ADGRF3: variants seen among roughly 807,000 people sequenced by gnomAD.
ADGRF3 encodes the protein G protein-coupled receptor 113.
In ADGRF3, 85 loss-of-function variants were observed where a neutral mutation model predicts 93.2. The observed-to-expected ratio is 0.91, with a 90% confidence interval of 0.77 to 1.09. ADGRF3 has a LOEUF of 1.09. Among genes scored for constraint, ADGRF3 ranks in the 50% least tolerant of loss-of-function variants. The pLI, the probability that ADGRF3 is intolerant of heterozygous loss-of-function variation, is 0.00. For missense variants in ADGRF3, 1,125 were observed against 1,246.2 expected (o/e 0.90, Z 1.46); for synonymous variants, 534 against 532.5 (o/e 1.00, Z -0.04).
In ADGRF3 at chr2:26,310,236, C is replaced by T. The variant is rs763030011; in HGVS notation, c.2834G>A (p.Gly945Asp). Residue 945 changes from glycine to aspartate, a missense_variant and splice_region_variant, in exon 11 of 14, where the codon GGC becomes GAC. Physicochemically the swap from Gly to Asp is moderately conservative, Grantham distance 94. Transcript: ENST00000651242. The stretch of plus-strand genomic sequence containing the variant: ...GCAACCAAACAATAGGATGAAGACG[C>T]CCTGAGAAGAGGGACATGGGGATAA... ...YIFTILNTLQ[G>D]VFILLFGCLM... 6.2e-7 allele frequency: 1 copy of T among 1,613,998 alleles called. No individual in the cohort carries two copies. Among genetic ancestry groups the T allele is most frequent in the East Asian group, 2.2e-5 (1 of 44,878 alleles).
intron 1 of ADGRF3, among the ~76,000 whole-genome samples, chr2:26,328,975 T>C (rs1395318500): frequency 1.3e-5 from 2 of 152,218 alleles, no homozygotes; most frequent in South Asian, 2.1e-4. Flanking sequence ...TAAATGTATA[T>C]GTCAAAAGGG....
chr2:26,321,083 T>C (rs1241862120), intron 1 of ADGRF3, among the ~76,000 whole-genome samples: 1 of 152,026 alleles, frequency 6.6e-6, no homozygotes, highest in Non-Finnish European at 1.5e-5. Context: ...CAAAAAAAGT[T>C]GATTTAAACA....
chr2:26,341,901 G>A (rs574740265), intron 1 of ADGRF3, among the ~76,000 whole-genome samples: 23 of 152,036 alleles, frequency 1.5e-4, no homozygotes, highest in Admixed American at 2.6e-4. Flanking sequence ...GTGAAACCCC[G>A]TCTCTACTAA....
chr2:26,322,807 G>T (rs1040962919), intron 1 of ADGRF3, among the ~76,000 whole-genome samples: 20 of 152,198 alleles, frequency 1.3e-4, no homozygotes, highest in African/African-American at 4.6e-4. Context: ...TTTCAATTTT[G>T]TATTCTGTAA....
At chr2:26,345,102 C>T (rs1676629622) in intron 1 of ADGRF3, among the ~76,000 whole-genome samples, 2 of 152,096 alleles carry the variant, frequency 1.3e-5, no homozygotes, top group Admixed American at 1.3e-4. Flanking sequence ...CGATCATTTC[C>T]GAGCTTCGTA....
rs1329145981 is a variant in ADGRF3, at chr2:26,334,093, G to A, written c.114+12028C>T. ...TGCTCGCCTCAGCCTCCTAAAGTGC[G>A]TGAGCCACTGTGTCCAACTAAAATT... On this transcript the variant is annotated intron_variant, in intron 1 of 13. Transcript: ENST00000651242. Among the ~76,000 whole-genome samples, 3 of 151,390 alleles carry A rather than the reference G, an allele frequency of 2.0e-5. No homozygotes were observed. The East Asian group carries it at 5.8e-4, about 29-fold the overall frequency.
Position 26,326,361 on chromosome 2 carries a change from G to A in ADGRF3, c.115-8799C>T, listed in dbSNP as rs564488872. Among the ~76,000 whole-genome samples, 12 of 152,148 alleles carry A rather than the reference G, an allele frequency of 7.9e-5. No homozygotes were observed. In the South Asian group the frequency reaches 1.7e-3, roughly 21 times the overall value. On this transcript the variant is annotated intron_variant, in intron 1 of 13. Coordinates refer to ENST00000651242, the MANE Select transcript of ADGRF3 (RefSeq NM_001321971.2). ...AGAAATCCCTCTCTGTTCCCCTTACGTCAAAAAGTGATATAAGTCACTTTT... is the reference window on the plus strand; with the variant it reads ...AGAAATCCCTCTCTGTTCCCCTTACATCAAAAAGTGATATAAGTCACTTTT...
In ADGRF3 at chr2:26,311,257, G is replaced by A; in HGVS notation, c.2267C>T (p.Thr756Ile). 1.2e-6 allele frequency: 2 copies of A among 1,612,746 alleles called. No homozygotes were observed. The highest frequency in any genetic ancestry group is 1.3e-5 in the African/African-American group (1 of 75,022). The change falls in exon 10 of 14, where the codon ACT (threonine) becomes ATT (isoleucine). Residue 756 changes from threonine to isoleucine, a missense_variant. Thr to Ile is a moderately conservative substitution (Grantham distance 89). Transcript: ENST00000651242. Reference protein sequence around the residue: ...NMVFCLLAADTCFLGAPFLSP... With the variant: ...NMVFCLLAADICFLGAPFLSP... ...GAGGAATGGGGCGCCCAGGAAGCAAGTGTCTGCGGCCAGCAAGCAGAACAC... is the reference window on the plus strand; with the variant it reads ...GAGGAATGGGGCGCCCAGGAAGCAAATGTCTGCGGCCAGCAAGCAGAACAC...
intron 1 of ADGRF3, among the ~76,000 whole-genome samples, chr2:26,336,722 TAAAAAAAAAAAA>T (rs57691864): frequency 2.7e-4 from 6 of 22,088 alleles, no homozygotes; most frequent in East Asian, 9.7e-4. Context: ...TGAGACTCCA[TAAAAAAAAAAAA>T]AAAAAAAAAA....
chr2:26,330,877 C>T (rs55733609), intron 1 of ADGRF3, among the ~76,000 whole-genome samples: 56,513 of 152,078 alleles, frequency 0.37, 11,757 homozygotes, highest in Non-Finnish European at 0.47. Context: ...CCCCAATCCA[C>T]CTGCTACTAT....
chr2:26,319,875 G>A (rs1304146197), intron 1 of ADGRF3, among the ~76,000 whole-genome samples: 1 of 152,078 alleles, frequency 6.6e-6, no homozygotes, highest in Non-Finnish European at 1.5e-5. Context: ...GATTACACAT[G>A]TGCACCACTG....
chr2:26,316,636 T>G (rs1358332446), intron 3 of ADGRF3, among the ~76,000 whole-genome samples, 188 bp from the exon 4 acceptor site: 1 of 151,994 alleles, frequency 6.6e-6, no homozygotes, highest in Non-Finnish European at 1.5e-5. Flanking sequence ...GCAGCAGATG[T>G]CTCGGGGGCC....
intron 3 of ADGRF3, 77 bp downstream of exon 3, chr2:26,316,825 GCTCACAGAGT>G: frequency 7.1e-7 from 1 of 1,414,022 alleles, no homozygotes; most frequent in Non-Finnish European, 9.5e-7. Flanking sequence ...ATACAGAGGG[GCTCACAGAGT>G]CTCAGGCAAG....
chr2:26,315,522 C>T lies in ADGRF3; in HGVS notation c.718G>A (p.Gly240Ser). The change falls in exon 5 of 14, where the codon GGT becomes AGT. Residue 240 changes from glycine to serine, a missense_variant and splice_region_variant. By Grantham distance (56) the Gly-to-Ser change is moderately conservative. Transcript: ENST00000651242. ...SVSNMSHHWA[G>S]EYMSCFEAQG... is the part of the protein sequence containing the mutation. Reference sequence around the variant, plus strand: ...GGCAAGGAGAGGACAGGCTGGCTACCTGCCCAGTGATGGGACATGTTGGAG... The same window carrying T: ...GGCAAGGAGAGGACAGGCTGGCTACTTGCCCAGTGATGGGACATGTTGGAG... 6.5e-7 allele frequency: 1 copy of T among 1,549,496 alleles called. No homozygotes were observed. The highest frequency in any genetic ancestry group is 8.7e-7 in the Non-Finnish European group (1 of 1,145,432).
At chr2:26,320,328 C>T (rs747773268) in intron 1 of ADGRF3, among the ~76,000 whole-genome samples, 24 of 152,154 alleles carry the variant, frequency 1.6e-4, no homozygotes, top group Admixed American at 3.9e-4. Context: ...GAAACCCTGT[C>T]TCAACTAAAA....
Position 26,313,035 on chromosome 2 carries a change from G to C in ADGRF3, c.1357C>G (p.Pro453Ala), listed in dbSNP as rs755323054. 6.2e-7 allele frequency: 1 copy of C among 1,614,048 alleles called. No homozygotes were observed. The highest frequency in any genetic ancestry group is 8.5e-7 in the Non-Finnish European group (1 of 1,179,894). The stretch of plus-strand genomic sequence containing the variant: ...CTCAGCAGGGTCAGTAAGTCGGAGG[G>C]TGAACTTGCCTCTGCCGCCTGCCCT... ...LPGQAAEASSPSDLLTLLSTM... is the reference protein window; with the variant it reads ...LPGQAAEASSASDLLTLLSTM... The change falls in exon 9 of 14, where the codon CCC (proline) becomes GCC (alanine). Residue 453 changes from proline to alanine, a missense_variant. By Grantham distance (27) the Pro-to-Ala change is conservative. Coordinates refer to ENST00000651242, the MANE Select transcript of ADGRF3 (RefSeq NM_001321971.2).
chr2:26,308,949 G>A lies in ADGRF3; in HGVS notation c.*137C>T, dbSNP rs1031727669. ...CTGTAAGATAAATGAGTGTCACTAA[G>A]GGAAATATAAGCCTGCCTTTCTCAA... On this transcript the variant is annotated 3_prime_UTR_variant, in exon 14 of 14. Coordinates refer to ENST00000651242, the MANE Select transcript of ADGRF3 (RefSeq NM_001321971.2). The A allele has an allele frequency of 3.4e-5, 39 of 1,138,076 alleles. No homozygotes were observed. The highest frequency in any genetic ancestry group is 4.9e-5 in the Non-Finnish European group (37 of 761,372). The allele number at this position is 1,138,076 out of a possible 1,614,324, so 70.5% of individuals were successfully genotyped here. A position where few individuals can be genotyped will look rare whatever the true frequency, so the allele number is the denominator to read the frequency against.
chr2:26,310,039 T>C lies in ADGRF3; in HGVS notation c.2937+4A>G. ...CAGCTGAGGATCTGAAGGCAGCAAC[T>C]CACCAGGGAGATGGTGGAGCTGGGG... On this transcript the variant is annotated splice_donor_region_variant and intron_variant, in intron 12 of 13. Coordinates refer to ENST00000651242, the MANE Select transcript of ADGRF3 (RefSeq NM_001321971.2). 6.2e-7 allele frequency: 1 copy of C among 1,614,064 alleles called. No individual in the cohort carries two copies. The highest frequency in any genetic ancestry group is 8.5e-7 in the Non-Finnish European group (1 of 1,179,902).
At chr2:26,326,681 AC>A (rs1260861926) in intron 1 of ADGRF3, among the ~76,000 whole-genome samples, 1 of 152,144 alleles carries the variant, frequency 6.6e-6, no homozygotes, top group African/African-American at 2.4e-5. Context: ...TGTACTGAGA[AC>A]CTATTGTTCA....
Sources: allele counts gnomAD v4.1 joint callset (sites outside exome capture counted in the v4.1 genomes callset), GRCh38; gene constraint gnomAD v4.1.1; transcripts MANE v1.5; gene names NCBI Gene and HGNC (gene_info 2026-07-23, HGNC 2026-07-21).